MYO6: variants seen among roughly 807,000 people sequenced by gnomAD.
MYO6 encodes unconventional myosin-VI.
Under a neutral mutation model 178.7 loss-of-function variants are expected in MYO6, and 74 were observed. That is an observed-to-expected ratio of 0.41 (90% CI 0.34 to 0.50). The LOEUF (loss-of-function observed/expected upper bound fraction) is 0.50, where lower values mean the gene tolerates loss of function less well. Among genes scored for constraint, MYO6 ranks in the 20% least tolerant of loss-of-function variants. MYO6 has a pLI of 0.09. For synonymous variants in MYO6, 477 were observed against 504.6 expected, an observed-to-expected ratio of 0.95 and a Z score of 0.73; for missense variants, 1,330 against 1,547.4, an observed-to-expected ratio of 0.86 and a Z score of 2.36.
intron 14 of MYO6, among the ~76,000 whole-genome samples, chr6:75,859,435 G>T (rs763343845): frequency 2.6e-5 from 4 of 151,652 alleles, no homozygotes; most frequent in Non-Finnish European, 5.9e-5. Flanking sequence ...CAGTAGCTGG[G>T]ACAACAGGCG....
intron 28 of MYO6, among the ~76,000 whole-genome samples, chr6:75,894,553 A>C (rs1562296529): frequency 6.6e-6 from 1 of 150,954 alleles, no homozygotes; most frequent in African/African-American, 2.4e-5. Context: ...AAGCATTAGC[A>C]CTTCATTATG....
At position 75,914,910 on chromosome 6, in the gene MYO6, C is replaced by G; in HGVS notation, c.3756C>G (p.Ile1252Met). The G allele has an allele frequency of 6.2e-7, 1 of 1,614,130 alleles. No individual in the cohort carries two copies. Among genetic ancestry groups the G allele is most frequent in the South Asian group, 1.1e-5 (1 of 91,084 alleles). ...AEILPRQFEE[I>M]WERCGGIQYL... ...TCTTGCCAAGACAGTTTGAAGAAATCTGGGAACGCTGTGGAGGCATCCAGT... is the reference window on the plus strand; with the variant it reads ...TCTTGCCAAGACAGTTTGAAGAAATGTGGGAACGCTGTGGAGGCATCCAGT... Residue 1252 changes from isoleucine (I) to methionine (M), a missense_variant, in exon 35 of 35, where the codon ATC (isoleucine) becomes ATG (methionine). This residue lies in a region of MYO6 where 601 missense variants were observed against 626.1 expected (regional missense o/e 0.96). Transcript: ENST00000369977.
At chr6:75,781,565 T>G (rs1455692445) in intron 1 of MYO6, among the ~76,000 whole-genome samples, 1 of 152,010 alleles carries the variant, frequency 6.6e-6, no homozygotes, top group Admixed American at 6.6e-5. Flanking sequence ...GCTTTCCAGG[T>G]TTTCAAGGTT....
chr6:75,760,652 T>C (rs761089326), intron 1 of MYO6, among the ~76,000 whole-genome samples: 3 of 152,074 alleles, frequency 2.0e-5, no homozygotes, highest in Non-Finnish European at 4.4e-5. Context: ...GCTTGTCTTT[T>C]TTAGAGAGTA....
chr6:75,883,850 TC>T (rs1350831923), intron 23 of MYO6, among the ~76,000 whole-genome samples: 1 of 152,132 alleles, frequency 6.6e-6, no homozygotes, highest in Non-Finnish European at 1.5e-5. Flanking sequence ...TTTTTCCTTA[TC>T]AGTAGAAAAG....
chr6:75,901,936 G>C (rs919551015), intron 30 of MYO6, among the ~76,000 whole-genome samples: 53 of 151,232 alleles, frequency 3.5e-4, no homozygotes, highest in East Asian at 1.2e-3. Flanking sequence ...TAGCATGAAG[G>C]GTTGTTGAAT....
At chr6:75,855,368 T>A in intron 12 of MYO6, 85 bp downstream of exon 12, 1 of 1,391,012 alleles carries the variant, frequency 7.2e-7, no homozygotes, top group Non-Finnish European at 1.0e-6. Flanking sequence ...GTTTAAAACC[T>A]GAGCTTGGTA....
chr6:75,863,009 TGAGCCTGG>T (rs1329271972), intron 16 of MYO6, among the ~76,000 whole-genome samples: 1 of 152,140 alleles, frequency 6.6e-6, no homozygotes. Flanking sequence ...GAGGACAGCT[TGAGCCTGG>T]GAGTCGAGGC....
chr6:75,889,917 A>T, intron 25 of MYO6, 140 bp from the exon 26 acceptor site: 38 of 707,626 alleles, frequency 5.4e-5, no homozygotes, highest in African/African-American at 7.2e-5. Flanking sequence ...TTTTTATTTT[A>T]AATTGTAAAA....
At chr6:75,799,381 ACT>A (rs1562174903) in intron 1 of MYO6, among the ~76,000 whole-genome samples, 1 of 137,966 alleles carries the variant, frequency 7.2e-6, no homozygotes, top group East Asian at 2.2e-4. Context: ...CAAGAGCAAA[ACT>A]CTGTCTAAAA....
intron 1 of MYO6, among the ~76,000 whole-genome samples, chr6:75,788,046 C>T (rs1767849738): frequency 6.6e-6 from 1 of 151,762 alleles, no homozygotes; most frequent in African/African-American, 2.4e-5. Flanking sequence ...CAGTTTGAGC[C>T]ACCATGCCCG....
chr6:75,871,615 T>C (rs549239824), intron 19 of MYO6, among the ~76,000 whole-genome samples: 16 of 152,220 alleles, frequency 1.1e-4, no homozygotes, highest in African/African-American at 3.4e-4. Flanking sequence ...ATCAGTATTA[T>C]TGTTGCTTAA....
intron 30 of MYO6, among the ~76,000 whole-genome samples, chr6:75,900,396 T>C (rs978529934): frequency 6.6e-6 from 1 of 152,214 alleles, no homozygotes; most frequent in Non-Finnish European, 1.5e-5. Context: ...CTCCAGCACC[T>C]GTTATTTCCT....
intron 32 of MYO6, 43 bp from the exon 33 acceptor site, chr6:75,911,629 T>G (rs1582010662): frequency 5.2e-6 from 8 of 1,549,798 alleles, no homozygotes; most frequent in Non-Finnish European, 7.1e-6. Context: ...TTAACAGTTT[T>G]GGCATTTTTA....
intron 1 of MYO6, among the ~76,000 whole-genome samples, chr6:75,782,693 C>A (rs1767105075): frequency 6.6e-6 from 1 of 152,084 alleles, no homozygotes; most frequent in South Asian, 2.1e-4. Context: ...TTTCTCTTTT[C>A]CCTTTTTAGC....
intron 26 of MYO6, among the ~76,000 whole-genome samples, chr6:75,890,624 C>T (rs957047635): frequency 6.6e-6 from 1 of 152,158 alleles, no homozygotes; most frequent in East Asian, 1.9e-4. Context: ...GGATTACAGG[C>T]GTGAGCCACC....
chr6:75,791,291 C>G (rs1768221037), intron 1 of MYO6, among the ~76,000 whole-genome samples: 1 of 152,068 alleles, frequency 6.6e-6, no homozygotes, highest in Non-Finnish European at 1.5e-5. Flanking sequence ...TTTTGGAATC[C>G]TGTGAATTTC....
chr6:75,828,683 C>G (rs1027166018), intron 4 of MYO6, 70 bp downstream of exon 4: 2 of 1,026,536 alleles, frequency 1.9e-6, no homozygotes, highest in African/African-American at 3.1e-5. Context: ...TTGATTTTGT[C>G]ACGCTTGAAA....
intron 6 of MYO6, among the ~76,000 whole-genome samples, chr6:75,833,915 A>G (rs1773379265): frequency 6.6e-6 from 1 of 152,206 alleles, no homozygotes; most frequent in South Asian, 2.1e-4. Context: ...TAAGATACAG[A>G]CATCTTATAT....
Sources: gnomAD v4.1 joint callset for allele counts (sites outside exome capture counted in the v4.1 genomes callset) on GRCh38, gnomAD v4.1.1 for gene constraint, gnomAD v4.1.1 regional missense constraint, MANE v1.5 for transcripts, NCBI Gene and HGNC (gene_info 2026-07-23, HGNC 2026-07-21) for gene names.